Variants in NRP2 observed in about 807,000 individuals in gnomAD.
NRP2 encodes neuropilin-2.
Under a neutral mutation model 110.4 loss-of-function variants are expected in NRP2, and 52 were observed. That is an observed-to-expected ratio of 0.47 (90% CI 0.38 to 0.59). The LOEUF (loss-of-function observed/expected upper bound fraction) is 0.59, where lower values mean the gene tolerates loss of function less well. Ranked by LOEUF, NRP2 falls within the 20% of genes least tolerant of loss-of-function variation. The probability of loss-of-function intolerance (pLI) is 0.00; values close to 1 mark genes in which losing one functional copy is unlikely to be tolerated. For synonymous variants in NRP2, 508 were observed against 468.9 expected, an observed-to-expected ratio of 1.08 and a Z score of -1.08; for missense variants, 1,049 against 1,203.0, an observed-to-expected ratio of 0.87 and a Z score of 1.89.
intron 15 of NRP2, among the ~76,000 whole-genome samples, chr2:205,773,769 G>A (rs1444082157): frequency 6.6e-6 from 1 of 152,206 alleles, no homozygotes; most frequent in Admixed American, 6.5e-5. Flanking sequence ...TGTGTATTTT[G>A]TGTTGGAAAC....
chr2:205,693,411 G>A (rs1447530033), intron 1 of NRP2, among the ~76,000 whole-genome samples: 9 of 152,000 alleles, frequency 5.9e-5, no homozygotes, highest in Admixed American at 2.0e-4. Flanking sequence ...CTGAGGGCAG[G>A]AACTAGGAGG....
chr2:205,721,221 A>G (rs183953172), intron 3 of NRP2, among the ~76,000 whole-genome samples: 3 of 152,264 alleles, frequency 2.0e-5, no homozygotes, highest in Admixed American at 6.5e-5. Flanking sequence ...GACATCACCT[A>G]GTTATATTTC....
chr2:205,722,688 T>C lies in NRP2; in HGVS notation c.644T>C (p.Ile215Thr), dbSNP rs1239750120. The C allele has an allele frequency of 6.2e-7, 1 of 1,614,130 alleles. No individual in the cohort carries two copies. The highest frequency in any genetic ancestry group is 2.2e-5 in the East Asian group (1 of 44,884). Residue 215 changes from isoleucine (I) to threonine (T), a missense_variant, in exon 4 of 17, where the codon ATC becomes ACC. Physicochemically the swap from Ile to Thr is moderately conservative, Grantham distance 89. Transcript: ENST00000357785. ...GACTGCAAGTACGATTGGCTGGACA[T>C]CTGGGATGGCATTCCACATGGTGAG... ...EGDCKYDWLD[I>T]WDGIPHVGPL...
intron 12 of NRP2, among the ~76,000 whole-genome samples, chr2:205,757,078 C>T (rs1333680884): frequency 2.6e-5 from 4 of 152,074 alleles, no homozygotes; most frequent in Non-Finnish European, 5.9e-5. Flanking sequence ...CTCTTTTATT[C>T]GTGGGTTGGC....
chr2:205,697,896 G>T, intron 2 of NRP2, 175 bp downstream of exon 2: 3 of 716,150 alleles, frequency 4.2e-6, no homozygotes, highest in Non-Finnish European at 7.5e-6. Context: ...GGAAATAAAG[G>T]TGTGGCTGAT....
At chr2:205,706,696 G>A (rs1443617018) in intron 2 of NRP2, among the ~76,000 whole-genome samples, 5 of 152,116 alleles carry the variant, frequency 3.3e-5, no homozygotes. Context: ...GGGAAACTGA[G>A]GTCCAAGCAG....
intron 2 of NRP2, 149 bp downstream of exon 2, chr2:205,697,870 G>C: frequency 1.2e-6 from 1 of 806,990 alleles, no homozygotes; most frequent in East Asian, 2.5e-5. Context: ...AACCTCAAGG[G>C]GCATTCCCTT....
chr2:205,690,869 G>A (rs541564280), intron 1 of NRP2, among the ~76,000 whole-genome samples: 6 of 152,086 alleles, frequency 3.9e-5, no homozygotes, highest in Admixed American at 6.6e-5. Flanking sequence ...GACATAGTTC[G>A]CACTAACTCT....
intron 7 of NRP2, among the ~76,000 whole-genome samples, chr2:205,738,423 C>G (rs983558986): frequency 6.6e-6 from 1 of 152,214 alleles, no homozygotes; most frequent in Non-Finnish European, 1.5e-5. Context: ...AAACAGAAAG[C>G]CTCTGCCTCA....
intron 15 of NRP2, among the ~76,000 whole-genome samples, chr2:205,780,439 A>G (rs1159872093): frequency 6.6e-6 from 1 of 152,088 alleles, no homozygotes; most frequent in East Asian, 1.9e-4. Context: ...TTAGATGGTG[A>G]CCCAGTTATA....
chr2:205,734,986 G>A (rs1236971823), intron 7 of NRP2, among the ~76,000 whole-genome samples: 2 of 152,270 alleles, frequency 1.3e-5, no homozygotes, highest in East Asian at 1.9e-4. Context: ...GAGTGCTGAA[G>A]CGCTACTCAC....
At chr2:205,793,667 C>G (rs951771368) in intron 16 of NRP2, among the ~76,000 whole-genome samples, 1 of 152,160 alleles carries the variant, frequency 6.6e-6, no homozygotes, top group African/African-American at 2.4e-5. Flanking sequence ...ACGATGTTCT[C>G]TCATGTGTGT....
intron 1 of NRP2, among the ~76,000 whole-genome samples, chr2:205,685,511 T>C (rs773487355): frequency 4.6e-5 from 7 of 152,260 alleles, no homozygotes; most frequent in South Asian, 4.1e-4. Context: ...AGGAGCAAGA[T>C]GGGGCAGAAG....
intron 15 of NRP2, chr2:205,767,804 G>A (rs777917131): frequency 9.5e-5 from 16 of 168,862 alleles, no homozygotes; most frequent in Non-Finnish European, 1.8e-4. Flanking sequence ...AATGATGGGG[G>A]TTCTTCATGA....
intron 15 of NRP2, chr2:205,777,047 C>A (rs1304044997): frequency 1.2e-5 from 12 of 1,002,258 alleles, no homozygotes; most frequent in Non-Finnish European, 1.4e-5. Flanking sequence ...AGAGAGGGCC[C>A]CTTTAACTCT....
intron 7 of NRP2, among the ~76,000 whole-genome samples, chr2:205,729,414 T>C (rs972676758): frequency 3.0e-4 from 46 of 152,208 alleles, no homozygotes; most frequent in African/African-American, 1.0e-3. Flanking sequence ...CAAGCATCCG[T>C]TGGGAATGCC....
chr2:205,785,892 C>T (rs2058230780), intron 15 of NRP2, among the ~76,000 whole-genome samples: 3 of 152,206 alleles, frequency 2.0e-5, no homozygotes, highest in Non-Finnish European at 4.4e-5. Flanking sequence ...TAATCTCACA[C>T]CAAGCCCCCT....
intron 15 of NRP2, among the ~76,000 whole-genome samples, chr2:205,780,198 C>T (rs982155321): frequency 1.3e-5 from 2 of 152,160 alleles, no homozygotes; most frequent in Non-Finnish European, 1.5e-5. Context: ...CATTTACGAG[C>T]GCTTTCCCAG....
chr2:205,709,068 T>A (rs901580448), intron 2 of NRP2, among the ~76,000 whole-genome samples: 2 of 152,226 alleles, frequency 1.3e-5, no homozygotes, highest in Non-Finnish European at 1.5e-5. Context: ...CACCAGCCTC[T>A]TGGGAGCTTG....
Sources: gnomAD v4.1 joint callset for allele counts (sites outside exome capture counted in the v4.1 genomes callset) on GRCh38, gnomAD v4.1.1 for gene constraint, MANE v1.5 for transcripts, NCBI Gene and HGNC (gene_info 2026-07-23, HGNC 2026-07-21) for gene names.